PTGES3: variants seen among roughly 807,000 people sequenced by gnomAD.
The protein encoded by PTGES3 is Hsp90 co-chaperone.
PTGES3 carries 5 observed loss-of-function variants against 29.9 expected under a neutral mutation model. The observed-to-expected ratio is 0.17, with a 90% confidence interval of 0.09 to 0.35. The LOEUF is 0.35. Among genes scored for constraint, PTGES3 ranks in the 10% least tolerant of loss-of-function variants. The pLI, the probability that PTGES3 is intolerant of heterozygous loss-of-function variation, is 1.00. For synonymous variants in PTGES3, 49 were observed against 57.8 expected (o/e 0.85, Z 0.69); for missense variants, 128 against 190.0 (o/e 0.67, Z 1.92).
chr12:56,664,390 A>G lies in PTGES3; in HGVS notation c.*89T>C. On this transcript the variant is annotated 3_prime_UTR_variant, in exon 8 of 8. Transcript: ENST00000262033. ...AGGCAAATACAGCATATCTGCCTTT[A>G]GAGCTATCAACTCAGGAATTCTCTC... 6.9e-7 allele frequency: 1 copy of G among 1,458,112 alleles called. No individual in the cohort carries two copies. The highest frequency in any genetic ancestry group is 9.5e-7 in the Non-Finnish European group (1 of 1,058,070). The allele number at this position is 1,458,112 out of a possible 1,614,324, so 90.3% of individuals were successfully genotyped here.
intron 1 of PTGES3, among the ~76,000 whole-genome samples, chr12:56,684,281 G>C (rs922910176): frequency 6.6e-6 from 1 of 152,068 alleles, no homozygotes; most frequent in Admixed American, 6.6e-5. Context: ...ACACTGGCTT[G>C]CACTCAAGAA....
In PTGES3 at chr12:56,688,009, G is replaced by C; in HGVS notation, c.-10C>G. The C allele has an allele frequency of 1.9e-6, 3 of 1,551,514 alleles. No individual in the cohort carries two copies. The highest frequency in any genetic ancestry group is 1.2e-5 in the South Asian group (1 of 86,712). On this transcript the variant is annotated 5_prime_UTR_variant, in exon 1 of 8. Transcript: ENST00000262033. ...GGTGTCGCACTCACATTGTGAACGG[G>C]GCAGGGGGACGGGCGAACTGGTGGG...
At chr12:56,687,419 CACTCAAGAA>C (rs1952928113) in intron 1 of PTGES3, 1 of 987,560 alleles carries the variant, frequency 1.0e-6, no homozygotes, top group African/African-American at 1.7e-5. Flanking sequence ...GAAGTACCCA[CACTCAAGAA>C]ACCCAGACAC....
chr12:56,665,617 T>C (rs1951756035), intron 6 of PTGES3: 1 of 985,366 alleles, frequency 1.0e-6, no homozygotes, highest in South Asian at 4.7e-5. Flanking sequence ...CTTACTTTCT[T>C]AGTCAAAATC....
At chr12:56,684,081 T>C (rs1016556420) in intron 1 of PTGES3, among the ~76,000 whole-genome samples, 2 of 152,182 alleles carry the variant, frequency 1.3e-5, no homozygotes, top group African/African-American at 4.8e-5. Context: ...ACTAGAGTAT[T>C]TTTTGAGCTC....
In PTGES3 at chr12:56,673,020, G is replaced by A. The variant is rs1467454940; in HGVS notation, c.48C>T (p.Phe16=). The A allele has an allele frequency of 4.3e-6, 7 of 1,610,130 alleles. No individual in the cohort carries two copies. Among genetic ancestry groups the A allele is most frequent in the Non-Finnish European group, 5.9e-6 (7 of 1,179,084 alleles). Residue 16 remains phenylalanine (F), a synonymous_variant, in exon 2 of 8, where the codon TTC becomes TTT. Coordinates refer to ENST00000262033, the MANE Select transcript of PTGES3 (RefSeq NM_006601.7). ...AKWYDRRDYV[F]IEFCVEDSKD... ...TACTGTCTTCAACACAAAATTCAAT[G>A]AAGACATAGTCCCTTCGATCGTACC...
In PTGES3 at chr12:56,677,054, C is replaced by T. The variant is rs565346928; in HGVS notation, c.3-3989G>A. ...AGTTCAAGACCAGCCTGGCCAACCA[C>T]CGTGGTGAAATCCCGTCTCTACTAA... On this transcript the variant is annotated intron_variant, in intron 1 of 7. Transcript: ENST00000262033. Among the ~76,000 whole-genome samples, 3 of 151,398 alleles carry T rather than the reference C, an allele frequency of 2.0e-5. No individual in the cohort carries two copies. The Admixed American group carries it at 2.0e-4, about 10-fold the overall frequency.
At chr12:56,683,626 G>A (rs981236714) in intron 1 of PTGES3, among the ~76,000 whole-genome samples, 24 of 151,658 alleles carry the variant, frequency 1.6e-4, no homozygotes, top group Non-Finnish European at 2.9e-5. Flanking sequence ...CTCCAGCCTG[G>A]GCGACAGAGC....
chr12:56,685,403 T>TTTTC (rs1555221791), intron 1 of PTGES3, among the ~76,000 whole-genome samples: 9 of 20,606 alleles, frequency 4.4e-4, no homozygotes, highest in African/African-American at 9.3e-4. Context: ...TCTTTTCTTT[T>TTTTC]TTTTTTTTTT....
chr12:56,681,335 C>A (rs1952531435), intron 1 of PTGES3, among the ~76,000 whole-genome samples: 1 of 149,270 alleles, frequency 6.7e-6, no homozygotes, highest in Admixed American at 6.7e-5. Context: ...TCAGGAGATC[C>A]AGACCTTCCT....
At chr12:56,680,296 C>G (rs1164791012) in intron 1 of PTGES3, among the ~76,000 whole-genome samples, 1 of 151,646 alleles carries the variant, frequency 6.6e-6, no homozygotes, top group South Asian at 2.1e-4. Flanking sequence ...AGGCTGGTCT[C>G]GAACTCGGCC....
At chr12:56,666,694 C>A (rs1169143819) in intron 5 of PTGES3, among the ~76,000 whole-genome samples, 2 of 151,976 alleles carry the variant, frequency 1.3e-5, no homozygotes, top group African/African-American at 4.8e-5. Flanking sequence ...GTGGCGTGAT[C>A]TCAGCTCACT....
chr12:56,675,543 G>A (rs1467081385), intron 1 of PTGES3, among the ~76,000 whole-genome samples: 13 of 141,518 alleles, frequency 9.2e-5, no homozygotes. Flanking sequence ...AAAAAAAAAT[G>A]TGAATGAGAT....
rs547446056 is a variant in PTGES3 at position 56,669,381 on chromosome 12, T to G, written c.375+894A>C. Among the ~76,000 whole-genome samples, 4 of 152,164 alleles carry G rather than the reference T, an allele frequency of 2.6e-5. No individual in the cohort carries two copies. In the South Asian group the frequency reaches 8.3e-4, roughly 32 times the overall value. On this transcript the variant is annotated intron_variant, in intron 5 of 7. Coordinates refer to ENST00000262033, the MANE Select transcript of PTGES3 (RefSeq NM_006601.7). Reference sequence around the variant, plus strand: ...CTAATTTTGTTCACGCCTTCTGGGTTCACGCGATTCTCCTGCCTCAGCCTT... The same window carrying G: ...CTAATTTTGTTCACGCCTTCTGGGTGCACGCGATTCTCCTGCCTCAGCCTT...
intron 5 of PTGES3, among the ~76,000 whole-genome samples, chr12:56,669,155 G>A (rs896103852): frequency 6.6e-6 from 1 of 151,368 alleles, no homozygotes; most frequent in African/African-American, 2.4e-5. Context: ...GATTACAGGC[G>A]TGCACTACCA....
chr12:56,685,675 C>A (rs1245952830), intron 1 of PTGES3, among the ~76,000 whole-genome samples: 1 of 151,110 alleles, frequency 6.6e-6, no homozygotes, highest in Non-Finnish European at 1.5e-5. Context: ...GCTGGGATTA[C>A]AGGAGTGAGC....
chr12:56,669,873 G>A (rs1176905552), intron 5 of PTGES3, among the ~76,000 whole-genome samples: 1 of 151,138 alleles, frequency 6.6e-6, no homozygotes, highest in Middle Eastern at 3.4e-3. Flanking sequence ...GCCTCCCAAA[G>A]TGCTGGGATT....
intron 1 of PTGES3, chr12:56,687,664 A>C (rs1027067691): frequency 8.0e-6 from 10 of 1,245,070 alleles, no homozygotes; most frequent in Non-Finnish European, 1.0e-5. Context: ...TTCACGCTTC[A>C]GGGCGCCGCA....
At chr12:56,669,832 G>C (rs1033547070) in intron 5 of PTGES3, among the ~76,000 whole-genome samples, 5 of 151,446 alleles carry the variant, frequency 3.3e-5, no homozygotes, top group Non-Finnish European at 7.4e-5. Context: ...GTATGATCTA[G>C]ATCTCCTGAC....
Sources: allele counts gnomAD v4.1 joint callset (sites outside exome capture counted in the v4.1 genomes callset), GRCh38; gene constraint gnomAD v4.1.1; transcripts MANE v1.5; gene names NCBI Gene and HGNC (gene_info 2026-07-23, HGNC 2026-07-21).